The following CFAP58 variants were observed in gnomAD, a reference collection of about 807,000 sequenced individuals.
CFAP58 encodes cilia- and flagella-associated protein 58.
Under a neutral mutation model 119.5 loss-of-function variants are expected in CFAP58, and 88 were observed. That is an observed-to-expected ratio of 0.74 (90% CI 0.62 to 0.88). The LOEUF is 0.88. Among genes scored for constraint, CFAP58 ranks in the 40% least tolerant of loss-of-function variants. CFAP58 has a pLI of 0.00. For synonymous variants in CFAP58, 365 were observed against 366.3 expected (o/e 1.00, Z 0.04); for missense variants, 990 against 1,021.2 (o/e 0.97, Z 0.42).
At chr10:104,387,395 C>A (rs1424935469) in intron 9 of CFAP58, among the ~76,000 whole-genome samples, 1 of 152,182 alleles carries the variant, frequency 6.6e-6, no homozygotes, top group Non-Finnish European at 1.5e-5. Flanking sequence ...GCCACGCATA[C>A]AGGCACATGT....
At chr10:104,365,669 A>G (rs2014732839) in intron 4 of CFAP58, 145 bp from the exon 5 acceptor site, 3 of 594,652 alleles carry the variant, frequency 5.0e-6, no homozygotes, top group East Asian at 5.9e-5. Context: ...ACTGGGGCTC[A>G]AGGATGTCTG....
At chr10:104,396,394 G>A (rs12249730) in intron 11 of CFAP58, among the ~76,000 whole-genome samples, 29 of 46,164 alleles carry the variant, frequency 6.3e-4, no homozygotes, top group African/African-American at 2.5e-3. Context: ...GAGAGAGAGA[G>A]AGAGAGAGAG....
chr10:104,369,702 A>T (rs908176646), intron 6 of CFAP58, among the ~76,000 whole-genome samples: 2 of 152,168 alleles, frequency 1.3e-5, no homozygotes, highest in African/African-American at 4.8e-5. Flanking sequence ...AAGATGGACT[A>T]TTTCTGTTAT....
At chr10:104,410,245 A>C (rs1329636720) in intron 15 of CFAP58, among the ~76,000 whole-genome samples, 1 of 152,262 alleles carries the variant, frequency 6.6e-6, no homozygotes, top group Non-Finnish European at 1.5e-5. Flanking sequence ...GGAATGCTTT[A>C]ACTGCAGCTA....
chr10:104,344,625 A>G, the CFAP58 span, among the ~76,000 whole-genome samples: 3 of 151,086 alleles, frequency 2.0e-5, no homozygotes, highest in East Asian at 5.8e-4. Context: ...TTATAGAAAA[A>G]GTTTGCAAAC....
intron 15 of CFAP58, among the ~76,000 whole-genome samples, chr10:104,445,123 G>A (rs2013093609): frequency 6.6e-6 from 1 of 151,994 alleles, no homozygotes; most frequent in Non-Finnish European, 1.5e-5. Flanking sequence ...AGGAGTTGGA[G>A]ACCAGCCTGG....
chr10:104,401,252 G>A (rs2012260190), intron 13 of CFAP58, among the ~76,000 whole-genome samples: 2 of 152,126 alleles, frequency 1.3e-5, no homozygotes, highest in African/African-American at 4.8e-5. Context: ...TCTTTAATAA[G>A]TCAGTATGCA....
chr10:104,417,085 C>T (rs1391758755), intron 15 of CFAP58, among the ~76,000 whole-genome samples: 1 of 152,182 alleles, frequency 6.6e-6, no homozygotes, highest in Non-Finnish European at 1.5e-5. Flanking sequence ...AAGCAGATCC[C>T]CAGGGATTCA....
chr10:104,387,889 A>G (rs1045521363), intron 9 of CFAP58, among the ~76,000 whole-genome samples: 1 of 152,188 alleles, frequency 6.6e-6, no homozygotes, highest in African/African-American at 2.4e-5. Context: ...CAAATTTCCT[A>G]GCTCTTTGCT....
At chr10:104,358,108 T>TACACATATGTACATATATATAC in intron 1 of CFAP58, among the ~76,000 whole-genome samples, 1 of 150,410 alleles carries the variant, frequency 6.6e-6, no homozygotes, top group South Asian at 2.1e-4. Flanking sequence ...TGTACATATA[T>TACACATATGTACATATATATAC]ACACATATAT....
chr10:104,432,824 G>T (rs1467522914), intron 15 of CFAP58, among the ~76,000 whole-genome samples: 7 of 152,108 alleles, frequency 4.6e-5, no homozygotes, highest in African/African-American at 1.7e-4. Flanking sequence ...ATATACTGTG[G>T]GTAGAGTTTA....
At chr10:104,338,721 G>C in the CFAP58 span, among the ~76,000 whole-genome samples, 1 of 152,314 alleles carries the variant, frequency 6.6e-6, no homozygotes, top group South Asian at 2.1e-4. Flanking sequence ...CTTAAAAGTC[G>C]TCCTAAGCCG....
intron 9 of CFAP58, among the ~76,000 whole-genome samples, chr10:104,380,979 G>A (rs566365387): frequency 6.6e-6 from 1 of 152,190 alleles, no homozygotes; most frequent in South Asian, 2.1e-4. Flanking sequence ...GTGAAACCCT[G>A]TCTCTACAAA....
chr10:104,430,200 G>T (rs1301286033), intron 15 of CFAP58, among the ~76,000 whole-genome samples: 1 of 152,224 alleles, frequency 6.6e-6, no homozygotes, highest in Non-Finnish European at 1.5e-5. Flanking sequence ...GAAGTTACTT[G>T]TTGGTCGCTT....
In CFAP58 at chr10:104,368,488, A is replaced by G; in HGVS notation, c.858A>G (p.Gln286=). ...AGATGAGAAATGCTAAACTTCAGCA[A>G]GAGAATGAACAGCACAGTTTGGTCT... ...QFQMRNAKLQ[Q]ENEQHSLVCE... is the part of the protein sequence containing the mutation. The change falls in exon 6 of 18, where the codon CAA becomes CAG. Residue 286 remains glutamine (Q), a synonymous_variant. Coordinates refer to ENST00000369704, the MANE Select transcript of CFAP58 (RefSeq NM_001008723.2). 6.2e-7 allele frequency: 1 copy of G among 1,614,094 alleles called. No homozygotes were observed. The highest frequency in any genetic ancestry group is 8.5e-7 in the Non-Finnish European group (1 of 1,179,948).
chr10:104,390,910 A>T (rs2012026149), intron 9 of CFAP58, among the ~76,000 whole-genome samples: 1 of 152,366 alleles, frequency 6.6e-6, no homozygotes, highest in African/African-American at 2.4e-5. Context: ...GTACAAAATT[A>T]TATACATTGA....
chr10:104,435,302 C>CA (rs1391503601), intron 15 of CFAP58, among the ~76,000 whole-genome samples: 1 of 152,168 alleles, frequency 6.6e-6, no homozygotes, highest in Non-Finnish European at 1.5e-5. Flanking sequence ...GCCAGCATGG[C>CA]AAAACCCCAT....
At chr10:104,432,968 C>T (rs1421284096) in intron 15 of CFAP58, among the ~76,000 whole-genome samples, 1 of 152,186 alleles carries the variant, frequency 6.6e-6, no homozygotes, top group African/African-American at 2.4e-5. Context: ...GTCAATATGT[C>T]TGTGATGAGG....
Position 104,357,862 on chromosome 10 carries a change from T to TATATACACATATATGTACACAC in CFAP58, c.10-458_10-457insCATATACACATATATGTACACA, listed in dbSNP as rs2014577218. ...ACACATATGTACACATATATACACA[T>TATATACACATATATGTACACAC]ATATACACATATATGTACACATATA... On this transcript the variant is annotated intron_variant, in intron 1 of 17. Coordinates refer to ENST00000369704, the MANE Select transcript of CFAP58 (RefSeq NM_001008723.2). 1.6e-5 allele frequency among the ~76,000 whole-genome samples: 2 copies of TATATACACATATATGTACACAC among 124,074 alleles called. 1 individual carries two copies. The highest frequency in any genetic ancestry group is 3.4e-5 in the Non-Finnish European group (2 of 58,696). 81.4% of individuals were successfully genotyped at this position (124,074 alleles called of 152,430 possible).
Sources: gnomAD v4.1 joint callset for allele counts (sites outside exome capture counted in the v4.1 genomes callset) on GRCh38, gnomAD v4.1.1 for gene constraint, MANE v1.5 for transcripts, NCBI Gene and HGNC (gene_info 2026-07-23, HGNC 2026-07-21) for gene names.